Variants in CCSER1 observed in about 807,000 individuals in gnomAD.
The protein encoded by CCSER1 is coiled-coil serine rich protein 1.
A neutral mutation model predicts 82.0 loss-of-function variants in CCSER1; 41 were observed. The observed-to-expected ratio is 0.50, with a 90% CI of 0.39 to 0.65. The LOEUF (loss-of-function observed/expected upper bound fraction) is 0.65. CCSER1 is among the 30% of genes least tolerant of loss of function. The probability of loss-of-function intolerance (pLI) is 0.00; values close to 1 mark genes in which losing one functional copy is unlikely to be tolerated. For synonymous variants in CCSER1, 414 were observed against 383.9 expected (o/e 1.08, Z -0.92); for missense variants, 1,119 against 1,064.2 (o/e 1.05, Z -0.72).
chr4:91,574,267 AT>A (rs917286780), intron 10 of CCSER1, among the ~76,000 whole-genome samples: 4 of 149,146 alleles, frequency 2.7e-5, no homozygotes, highest in East Asian at 2.0e-4. Flanking sequence ...AAAAAAAAAA[AT>A]GAATGCTTAT....
intron 10 of CCSER1, among the ~76,000 whole-genome samples, chr4:91,210,543 A>AT (rs112784347): frequency 0.042 from 6,247 of 147,546 alleles, 346 homozygotes; most frequent in African/African-American, 0.13. Context: ...GTACACTGTG[A>AT]TTTTTTTTTT....
Position 90,230,267 on chromosome 4 carries a change from C to T in CCSER1, c.-41-77977C>T, listed in dbSNP as rs1242721511. Among the ~76,000 whole-genome samples the T allele has an allele frequency of 1.3e-5, 2 of 152,142 alleles. 1 individual carries two copies. The highest frequency in any genetic ancestry group is 4.8e-5 in the African/African-American group (2 of 41,418). On this transcript the variant is annotated intron_variant, in intron 1 of 10. Coordinates refer to ENST00000509176, the MANE Select transcript of CCSER1 (RefSeq NM_001145065.2). ...GTAAAAGAACAGAAATTATAACAAA[C>T]TGTCTCTCAGACCACAGTGCAATCA... is the stretch of plus-strand genomic sequence containing the variant.
intron 10 of CCSER1, among the ~76,000 whole-genome samples, chr4:91,380,771 G>T (rs916386985): frequency 6.6e-6 from 1 of 152,164 alleles, no homozygotes; most frequent in Non-Finnish European, 1.5e-5. Flanking sequence ...TGTTATGTGT[G>T]AATTTGATCC....
intron 8 of CCSER1, among the ~76,000 whole-genome samples, chr4:90,880,284 A>G (rs1721104990): frequency 6.6e-6 from 1 of 152,064 alleles, no homozygotes; most frequent in Admixed American, 6.5e-5. Flanking sequence ...AGTAGTAGTT[A>G]TGGCTAAGGG....
chr4:91,522,620 A>G lies in CCSER1; in HGVS notation c.2218-75952A>G, dbSNP rs778756428. Among the ~76,000 whole-genome samples the G allele has an allele frequency of 2.8e-3, 427 of 152,136 alleles. 5 individuals are homozygous for G. The highest frequency in any genetic ancestry group is 1.0e-3 in the Non-Finnish European group (69 of 68,014). On this transcript the variant is annotated intron_variant, in intron 10 of 10. Coordinates refer to ENST00000509176, the MANE Select transcript of CCSER1 (RefSeq NM_001145065.2). ...TGTAAGTTGGATTCCTAGGTATTTT[A>G]TTCTCTTTGTAGCAATTGTGAATGG...
chr4:90,288,639 T>C (rs922823538), intron 1 of CCSER1, among the ~76,000 whole-genome samples: 8 of 152,048 alleles, frequency 5.3e-5, no homozygotes, highest in African/African-American at 1.9e-4. Flanking sequence ...GTATTCAGAC[T>C]GTAGTATAAT....
At chr4:90,499,020 CTAAT>C (rs1439348952) in intron 5 of CCSER1, among the ~76,000 whole-genome samples, 1 of 151,832 alleles carries the variant, frequency 6.6e-6, no homozygotes, top group Non-Finnish European at 1.5e-5. Context: ...TATTGAAGCC[CTAAT>C]TAATTATTTG....
chr4:91,409,510 C>T (rs1752901008), intron 10 of CCSER1, among the ~76,000 whole-genome samples: 1 of 151,952 alleles, frequency 6.6e-6, no homozygotes, highest in Non-Finnish European at 1.5e-5. Flanking sequence ...TCCATGTGTT[C>T]TATTTTAAAA....
At chr4:91,210,633 A>C (rs1736735997) in intron 10 of CCSER1, among the ~76,000 whole-genome samples, 1 of 151,910 alleles carries the variant, frequency 6.6e-6, no homozygotes, top group Non-Finnish European at 1.5e-5. Flanking sequence ...TTTACAAAAT[A>C]ATTTCAAAAT....
intron 1 of CCSER1, among the ~76,000 whole-genome samples, chr4:90,247,591 C>T (rs1403484742): frequency 1.3e-5 from 2 of 152,004 alleles, no homozygotes; most frequent in Non-Finnish European, 2.9e-5. Context: ...TATTACAGAT[C>T]ATTTAAAATT....
At position 90,629,870 on chromosome 4, in the gene CCSER1, A is replaced by G. The variant is rs77913720; in HGVS notation, c.1932+1638A>G. On this transcript the variant is annotated intron_variant, in intron 6 of 10. Coordinates refer to ENST00000509176, the MANE Select transcript of CCSER1 (RefSeq NM_001145065.2). ...CTTTCAAAAAGGGTAATCAGTATTC[A>G]AAATGTGTTTTCTATTTGTTTTACT... 3.3e-4 allele frequency among the ~76,000 whole-genome samples: 50 copies of G among 152,334 alleles called. No homozygotes were observed. In the East Asian group the frequency reaches 9.3e-3, roughly 28 times the overall value.
intron 1 of CCSER1, among the ~76,000 whole-genome samples, chr4:90,293,612 A>C (rs1036994410): frequency 1.3e-5 from 2 of 150,914 alleles, no homozygotes; most frequent in South Asian, 4.1e-4. Flanking sequence ...AAAGAAAATA[A>C]AAAATTTAAG....
chr4:90,760,765 G>A lies in CCSER1; in HGVS notation c.2010+36774G>A, dbSNP rs768785749. On this transcript the variant is annotated intron_variant, in intron 7 of 10. Transcript: ENST00000509176. ...ACTACAGGTAAGTTTTTTAATTTAT[G>A]TAATCTCTCACTTATGAGTTAGTTT... 2.6e-4 allele frequency among the ~76,000 whole-genome samples: 40 copies of A among 151,976 alleles called. 1 individual carries two copies. Among genetic ancestry groups the A allele is most frequent in the Admixed American group, 8.5e-4 (13 of 15,244 alleles).
At chr4:90,646,180 C>T (rs1391648654) in intron 6 of CCSER1, among the ~76,000 whole-genome samples, 1 of 151,964 alleles carries the variant, frequency 6.6e-6, no homozygotes, top group Non-Finnish European at 1.5e-5. Context: ...CAGCAGATAA[C>T]ATCTAAATCT....
chr4:90,245,737 C>G (rs769817866), intron 1 of CCSER1, among the ~76,000 whole-genome samples: 1 of 152,136 alleles, frequency 6.6e-6, no homozygotes, highest in Non-Finnish European at 1.5e-5. Flanking sequence ...TTCATATACT[C>G]TCTCCTTCAC....
At chr4:90,324,894 G>C (rs927039015) in intron 3 of CCSER1, among the ~76,000 whole-genome samples, 3 of 152,140 alleles carry the variant, frequency 2.0e-5, no homozygotes, top group African/African-American at 7.2e-5. Flanking sequence ...CATATGGCTA[G>C]CCAGTTTTCC....
intron 4 of CCSER1, among the ~76,000 whole-genome samples, chr4:90,454,648 G>C (rs1761943369): frequency 6.6e-6 from 1 of 151,808 alleles, no homozygotes; most frequent in South Asian, 2.1e-4. Flanking sequence ...CTTCTAATTG[G>C]ATTGGCACTC....
At chr4:90,755,999 G>T (rs1021802690) in intron 7 of CCSER1, among the ~76,000 whole-genome samples, 22 of 152,160 alleles carry the variant, frequency 1.4e-4, no homozygotes, top group African/African-American at 2.2e-4. Flanking sequence ...GCCAAGAGGG[G>T]GTGGATCAGT....
At chr4:91,466,288 T>C (rs974961177) in intron 10 of CCSER1, among the ~76,000 whole-genome samples, 5 of 152,058 alleles carry the variant, frequency 3.3e-5, no homozygotes, top group Non-Finnish European at 5.9e-5. Context: ...AAAAGGCCTT[T>C]GACAAAATTC....
Sources: allele counts gnomAD v4.1 joint callset (sites outside exome capture counted in the v4.1 genomes callset), GRCh38; gene constraint gnomAD v4.1.1; transcripts MANE v1.5; gene names NCBI Gene and HGNC (gene_info 2026-07-23, HGNC 2026-07-21).